ANK1: variants seen among roughly 807,000 people sequenced by gnomAD.
ANK1 encodes ankyrin-1.
A neutral mutation model predicts 210.4 loss-of-function variants in ANK1; 51 were observed. That is an observed-to-expected ratio of 0.24 (90% CI 0.19 to 0.31). ANK1 has a LOEUF of 0.31. Among genes scored for constraint, ANK1 ranks in the 10% least tolerant of loss-of-function variants. The probability of loss-of-function intolerance (pLI) is 1.00; values close to 1 mark genes in which losing one functional copy is unlikely to be tolerated. For missense variants in ANK1, 2,051 were observed against 2,504.4 expected, an observed-to-expected ratio of 0.82 and a Z score of 3.86; for synonymous variants, 967 against 1,025.9, an observed-to-expected ratio of 0.94 and a Z score of 1.10.
chr8:41,881,375 AT>A (rs1401360810), intron 1 of ANK1, among the ~76,000 whole-genome samples: 1 of 152,202 alleles, frequency 6.6e-6, no homozygotes, highest in Non-Finnish European at 1.5e-5. Context: ...GGTGTGTGGT[AT>A]GTACAGATCT....
intron 33 of ANK1, among the ~76,000 whole-genome samples, chr8:41,689,936 G>A (rs1055747981): frequency 6.6e-5 from 10 of 152,154 alleles, no homozygotes; most frequent in Admixed American, 6.5e-4. Context: ...CACCTAGGGA[G>A]CCCAGGGTCC....
intron 2 of ANK1, among the ~76,000 whole-genome samples, chr8:41,756,769 G>T (rs80352772): frequency 2.0e-5 from 3 of 152,074 alleles, no homozygotes; most frequent in Admixed American, 6.5e-5. Context: ...ACAGGGGCAG[G>T]ATGGATAGGG....
intron 1 of ANK1, among the ~76,000 whole-genome samples, chr8:41,833,079 GC>G (rs1391278028): frequency 6.6e-6 from 1 of 152,202 alleles, no homozygotes; most frequent in Non-Finnish European, 1.5e-5. Flanking sequence ...GAGCTTAGAA[GC>G]CAGATGTGGG....
intron 37 of ANK1, among the ~76,000 whole-genome samples, chr8:41,676,797 T>TA (rs1235398597): frequency 6.6e-6 from 1 of 152,278 alleles, no homozygotes; most frequent in East Asian, 1.9e-4. Context: ...ATTTTTTGCA[T>TA]AAATGTTCAT....
chr8:41,776,145 C>G (rs11778719), intron 1 of ANK1, among the ~76,000 whole-genome samples: 1 of 152,102 alleles, frequency 6.6e-6, no homozygotes, highest in African/African-American at 2.4e-5. Context: ...ATTCTGCAAC[C>G]TAAGGTATTT....
Position 41,704,082 on chromosome 8 carries a change from G to C in ANK1, c.2254C>G (p.Leu752Val), listed in dbSNP as rs1180261075. The C allele has an allele frequency of 6.2e-7, 1 of 1,614,078 alleles. No homozygotes were observed. The change falls in exon 20 of 43, where the codon CTG (leucine) becomes GTG (valine). Residue 752 changes from leucine (L) to valine (V), a missense_variant. Around this residue, in one of 6 missense-constraint regions of ANK1, gnomAD observed 1,413 missense variants for 1,707.4 expected, o/e 0.83. Transcript: ENST00000289734. The surrounding 1 kb of genome is among the most constrained non-coding windows in gnomAD (Gnocchi z 4.1). ...AQQGHTDIVTLLLKNGASPNE... is the reference protein window; with the variant it reads ...AQQGHTDIVTVLLKNGASPNE... ...GGGGAAGCACCGTTTTTCAGAAGCA[G>C]AGTCACGATGTCTGTGTGTCCCTGC...
At chr8:41,746,975 A>G in intron 2 of ANK1, among the ~76,000 whole-genome samples, 1 of 152,082 alleles carries the variant, frequency 6.6e-6, no homozygotes, top group East Asian at 1.9e-4. Context: ...CCAGGCTTCA[A>G]TTTATGCTGC....
In ANK1 at chr8:41,699,436, C is replaced by G. The variant is rs751364242; in HGVS notation, c.2558+16G>C. ...ATCTCGGCACCCCCGGGGACCCTCCCGGGAGCACTGCTCACACTTGGTCTA... is the reference window on the plus strand; with the variant it reads ...ATCTCGGCACCCCCGGGGACCCTCCGGGGAGCACTGCTCACACTTGGTCTA... On this transcript the variant is annotated intron_variant, in intron 23 of 42. Transcript: ENST00000289734. 1.2e-6 allele frequency: 2 copies of G among 1,613,536 alleles called. No homozygotes were observed.
chr8:41,849,742 C>T (rs900189219), intron 1 of ANK1, among the ~76,000 whole-genome samples: 1 of 152,196 alleles, frequency 6.6e-6, no homozygotes, highest in Non-Finnish European at 1.5e-5. Context: ...CCTAACAGGA[C>T]GATGTCTTTT....
At chr8:41,702,335 A>G (rs1049873449) in intron 20 of ANK1, among the ~76,000 whole-genome samples, 191 bp from the exon 21 acceptor site, 3 of 152,174 alleles carry the variant, frequency 2.0e-5, no homozygotes, top group African/African-American at 7.2e-5. Context: ...AGCAGCACCC[A>G]CAGAGACGGG....
chr8:41,883,247 G>A (rs1170575720), intron 1 of ANK1, among the ~76,000 whole-genome samples: 1 of 152,170 alleles, frequency 6.6e-6, no homozygotes, highest in Non-Finnish European at 1.5e-5. Flanking sequence ...GTGGAATGGG[G>A]TACTAATGAG....
rs774794039 is a variant in ANK1 at position 41,715,613 on chromosome 8, G to A, written c.1602+39C>T. The A allele has an allele frequency of 9.9e-6, 16 of 1,609,480 alleles. No individual in the cohort carries two copies. In the Admixed American group the frequency reaches 2.5e-4, roughly 25 times the overall value. On this transcript the variant is annotated intron_variant, in intron 14 of 42. Coordinates refer to ENST00000289734, the MANE Select transcript of ANK1 (RefSeq NM_000037.4). ...CCGAGCTCCAGGCCTGGCTGAGTGA[G>A]CCTGTTGCTTCCTTAGACCACGAGG...
At chr8:41,715,592 G>T in intron 14 of ANK1, 60 bp downstream of exon 14, 1 of 1,594,062 alleles carries the variant, frequency 6.3e-7, no homozygotes, top group Non-Finnish European at 8.6e-7. Context: ...TCCCCTCCGA[G>T]CTCCAGGCCT....
In ANK1 at chr8:41,694,756, T is replaced by C; in HGVS notation, c.3163A>G (p.Ile1055Val). Residue 1055 changes from isoleucine to valine, a missense_variant, in exon 28 of 43, where the codon ATC becomes GTC. Physicochemically the swap from Ile to Val is conservative, Grantham distance 29. Around this residue, in one of 6 missense-constraint regions of ANK1, gnomAD observed 1,413 missense variants for 1,707.4 expected, o/e 0.83. Transcript: ENST00000289734. The surrounding 1 kb of genome is among the most constrained non-coding windows in gnomAD (Gnocchi z 5.7). ...ELEKKRVCRI[I>V]TTDFPLYFVI... is the part of the protein sequence containing the mutation. The stretch of plus-strand genomic sequence containing the variant: ...AAGTACAGCGGGAAGTCGGTGGTGA[T>C]GATTCGGCACACCCTCTTCTTCTCT... 3 of 1,614,158 alleles carry C rather than the reference T, an allele frequency of 1.9e-6. No individual in the cohort carries two copies. The highest frequency in any genetic ancestry group is 2.5e-6 in the Non-Finnish European group (3 of 1,180,022).
chr8:41,851,208 A>T (rs772980846), intron 1 of ANK1, among the ~76,000 whole-genome samples: 1 of 152,214 alleles, frequency 6.6e-6, no homozygotes, highest in Non-Finnish European at 1.5e-5. Flanking sequence ...CAGCATGGAC[A>T]TCAGCTTACT....
In ANK1 at chr8:41,725,854, G is replaced by A. The variant is rs1362770390; in HGVS notation, c.519C>T (p.Arg173=). Residue 173 remains arginine (R), a synonymous_variant, in exon 6 of 43, where the codon CGC becomes CGT. Coordinates refer to ENST00000289734, the MANE Select transcript of ANK1 (RefSeq NM_000037.4). ...GGGCCGCGATGTGCAGGGCCGGGAG[G>A]CGCACCTTCCCCTTGGTGCCGTAGT... is the stretch of plus-strand genomic sequence containing the variant. The part of the protein sequence containing the change: ...LINYGTKGKV[R]LPALHIAARN... The A allele has an allele frequency of 1.2e-6, 2 of 1,611,982 alleles. No individual in the cohort carries two copies. The highest frequency in any genetic ancestry group is 1.7e-6 in the Non-Finnish European group (2 of 1,179,596).
intron 1 of ANK1, among the ~76,000 whole-genome samples, chr8:41,822,177 AGAAAGAAAGAAG>A: frequency 1.4e-5 from 2 of 144,412 alleles, no homozygotes; most frequent in African/African-American, 2.5e-5. Flanking sequence ...AAAGAAAGAA[AGAAAGAAAGAAG>A]GAAAGAAAGA....
At chr8:41,848,097 A>C (rs1388785010) in intron 1 of ANK1, among the ~76,000 whole-genome samples, 4 of 152,030 alleles carry the variant, frequency 2.6e-5, no homozygotes, top group Non-Finnish European at 4.4e-5. Flanking sequence ...AGGCACAAGA[A>C]TCACTTGAAC....
intron 2 of ANK1, among the ~76,000 whole-genome samples, chr8:41,740,486 C>T (rs754531316): frequency 1.3e-5 from 2 of 151,932 alleles, no homozygotes; most frequent in African/African-American, 2.4e-5. Flanking sequence ...TGTAGAATCC[C>T]GGGCCCAAAA....
Sources: gnomAD v4.1 joint callset for allele counts (sites outside exome capture counted in the v4.1 genomes callset) on GRCh38, gnomAD v4.1.1 for gene constraint, gnomAD v4.1.1 regional missense constraint, Gnocchi (gnomAD v3.1) non-coding constraint, MANE v1.5 for transcripts, NCBI Gene and HGNC (gene_info 2026-07-23, HGNC 2026-07-21) for gene names.